Variants in SIPA1L1 observed in about 807,000 individuals in gnomAD.
SIPA1L1 encodes signal induced proliferation associated 1 like 1.
Under a neutral mutation model 162.7 loss-of-function variants are expected in SIPA1L1, and 26 were observed. That is an observed-to-expected ratio of 0.16 (90% confidence interval 0.12 to 0.22). The LOEUF (loss-of-function observed/expected upper bound fraction) is 0.22, where lower values mean the gene tolerates loss of function less well. Ranked by LOEUF, SIPA1L1 falls within the 10% of genes least tolerant of loss-of-function variation. The pLI, the probability that SIPA1L1 is intolerant of heterozygous loss-of-function variation, is 1.00. For missense variants in SIPA1L1, 1,874 were observed against 2,241.0 expected (o/e 0.84, Z 3.31); for synonymous variants, 829 against 837.4 (o/e 0.99, Z 0.17).
At chr14:71,470,861 G>A (rs1047668252) in intron 2 of SIPA1L1, among the ~76,000 whole-genome samples, 1 of 151,626 alleles carries the variant, frequency 6.6e-6, no homozygotes, top group Non-Finnish European at 1.5e-5. Context: ...TTTTTAAGAT[G>A]GAATCTTGCT....
chr14:71,577,726 A>G (rs1175832658), intron 4 of SIPA1L1, among the ~76,000 whole-genome samples: 3 of 126,064 alleles, frequency 2.4e-5, no homozygotes, highest in Non-Finnish European at 4.8e-5. Flanking sequence ...CTTGTTGGGC[A>G]TGCCTTTTTT....
intron 4 of SIPA1L1, among the ~76,000 whole-genome samples, chr14:71,547,579 C>T (rs921385545): frequency 1.3e-5 from 2 of 152,074 alleles, no homozygotes; most frequent in African/African-American, 4.8e-5. Context: ...CAGGCATGAG[C>T]CACTGTGCCT....
At chr14:71,477,608 A>G (rs1312748160) in intron 2 of SIPA1L1, among the ~76,000 whole-genome samples, 1 of 152,192 alleles carries the variant, frequency 6.6e-6, no homozygotes. Context: ...GACCTAGATC[A>G]TGTTTTGAAG....
intron 2 of SIPA1L1, among the ~76,000 whole-genome samples, chr14:71,358,514 A>G (rs1354969983): frequency 6.6e-6 from 1 of 152,154 alleles, no homozygotes. Context: ...CTTTGCTCAG[A>G]CACTGCCTTT....
intron 2 of SIPA1L1, among the ~76,000 whole-genome samples, chr14:71,476,711 T>C (rs190937195): frequency 3.6e-4 from 54 of 151,922 alleles, no homozygotes; most frequent in Middle Eastern, 3.4e-3. Context: ...GGAGTCTAGA[T>C]CTGTTGCCCA....
At chr14:71,456,361 C>G (rs940898619) in intron 2 of SIPA1L1, among the ~76,000 whole-genome samples, 1 of 152,172 alleles carries the variant, frequency 6.6e-6, no homozygotes, top group African/African-American at 2.4e-5. Flanking sequence ...CTTATTGATA[C>G]AAGTATTCAA....
At chr14:71,424,721 C>T (rs928593664) in intron 2 of SIPA1L1, among the ~76,000 whole-genome samples, 2 of 151,984 alleles carry the variant, frequency 1.3e-5, no homozygotes, top group Non-Finnish European at 2.9e-5. Flanking sequence ...AGATAATGGT[C>T]TCCAATTTTC....
intron 4 of SIPA1L1, among the ~76,000 whole-genome samples, chr14:71,529,596 G>A (rs1277349528): frequency 2.0e-5 from 3 of 152,200 alleles, no homozygotes; most frequent in Non-Finnish European, 4.4e-5. Context: ...GTATTGCTCA[G>A]GCTATTGCCT....
intron 16 of SIPA1L1, among the ~76,000 whole-genome samples, chr14:71,708,823 T>G (rs949928598): frequency 6.6e-6 from 1 of 152,240 alleles, no homozygotes; most frequent in Non-Finnish European, 1.5e-5. Context: ...TTCAGCCTTC[T>G]ATTTACTCTG....
chr14:71,637,096 A>ATT lies in SIPA1L1; in HGVS notation c.1818+12871_1818+12872dup, dbSNP rs56744567. Among the ~76,000 whole-genome samples, 1,306 of 142,606 alleles carry ATT rather than the reference A, an allele frequency of 9.2e-3. 13 individuals are homozygous for ATT. The highest frequency in any genetic ancestry group is 0.025 in the African/African-American group (942 of 38,074). 93.6% of individuals were successfully genotyped at this position (142,606 alleles called of 152,430 possible). A position where few individuals can be genotyped will look rare whatever the true frequency, so the allele number is the denominator to read the frequency against. On this transcript the variant is annotated intron_variant, in intron 7 of 23. Transcript: ENST00000381232. ...CTACATCTTTGGGGTTTAAAAAAAA[A>ATT]TTTTTTTTTTTTCATAAAACCCAGA...
intron 3 of SIPA1L1, among the ~76,000 whole-genome samples, chr14:71,527,550 T>C (rs2053006432): frequency 6.6e-6 from 1 of 152,112 alleles, no homozygotes; most frequent in Admixed American, 6.6e-5. Flanking sequence ...TCTGAATCTG[T>C]CCTTTGGTAG....
chr14:71,699,028 T>C lies in SIPA1L1; in HGVS notation c.3422T>C (p.Leu1141Ser). ...DIYVTVSSMA[L>S]ARSQCRNSPS... is the part of the protein sequence containing the mutation. Reference sequence around the variant, plus strand: ...TATGTGACGGTCTCATCCATGGCTTTAGCAAGATCCCAGTGTCGGAACTCT... The same window carrying C: ...TATGTGACGGTCTCATCCATGGCTTCAGCAAGATCCCAGTGTCGGAACTCT... The change falls in exon 14 of 24, where the codon TTA becomes TCA. Residue 1141 changes from leucine to serine, a missense_variant. Leu to Ser is a moderately radical substitution (Grantham distance 145, BLOSUM62 -2). This residue lies in a region of SIPA1L1 where 936 missense variants were observed against 1,051.9 expected (regional missense o/e 0.89). Coordinates refer to ENST00000381232, the MANE Select transcript of SIPA1L1 (RefSeq NM_001386936.1). The C allele has an allele frequency of 1.2e-6, 2 of 1,614,236 alleles. No homozygotes were observed. The highest frequency in any genetic ancestry group is 1.7e-6 in the Non-Finnish European group (2 of 1,180,026).
intron 17 of SIPA1L1, among the ~76,000 whole-genome samples, chr14:71,716,260 C>T (rs980394898): frequency 2.4e-4 from 36 of 152,168 alleles, no homozygotes; most frequent in African/African-American, 8.7e-4. Context: ...CCTCCTTAAT[C>T]ATTATCCTCC....
intron 17 of SIPA1L1, among the ~76,000 whole-genome samples, chr14:71,718,080 C>T (rs1223774428): frequency 6.6e-6 from 1 of 152,176 alleles, no homozygotes; most frequent in Non-Finnish European, 1.5e-5. Flanking sequence ...GAGCAGTAGG[C>T]CTCAGTTGGT....
At chr14:71,368,142 C>CTTTTTTTTTTTTTTTTTT (rs755238643) in intron 2 of SIPA1L1, among the ~76,000 whole-genome samples, 8 of 115,182 alleles carry the variant, frequency 6.9e-5, no homozygotes, top group Non-Finnish European at 9.2e-5. Flanking sequence ...TTGTGGTATT[C>CTTTTTTTTTTTTTTTTTT]TTTTTTTTTT....
At chr14:71,333,885 TG>T (rs574505024) in intron 2 of SIPA1L1, among the ~76,000 whole-genome samples, 209 of 152,192 alleles carry the variant, frequency 1.4e-3, no homozygotes, top group Non-Finnish European at 2.5e-3. Flanking sequence ...ATAGCAGCTG[TG>T]GAGGTGATGA....
intron 7 of SIPA1L1, among the ~76,000 whole-genome samples, chr14:71,632,003 T>C (rs911632956): frequency 1.3e-5 from 2 of 152,264 alleles, no homozygotes; most frequent in Non-Finnish European, 2.9e-5. Flanking sequence ...CTTTCAGTAA[T>C]GGCAAAGTTG....
rs375163638 is a variant in SIPA1L1 at position 71,381,213 on chromosome 14, C to T, written c.-465+60032C>T. On this transcript the variant is annotated intron_variant, in intron 2 of 23. Coordinates refer to ENST00000381232, the MANE Select transcript of SIPA1L1 (RefSeq NM_001386936.1). ...GATTACAGGTGCCCACCACGGTGCC[C>T]GGCTAATTTTTTGTATTTTCAGTAG... Among the ~76,000 whole-genome samples the T allele has an allele frequency of 1.3e-3, 201 of 152,120 alleles. 1 individual carries two copies. Among genetic ancestry groups the T allele is most frequent in the African/African-American group, 4.6e-3 (191 of 41,486 alleles).
intron 2 of SIPA1L1, among the ~76,000 whole-genome samples, chr14:71,454,369 G>T (rs755465545): frequency 1.3e-5 from 2 of 152,134 alleles, no homozygotes; most frequent in Non-Finnish European, 2.9e-5. Context: ...TATCCTGGGC[G>T]CCAGTAATAT....
Sources: allele counts gnomAD v4.1 joint callset (sites outside exome capture counted in the v4.1 genomes callset), GRCh38; gene constraint gnomAD v4.1.1; regional missense constraint gnomAD v4.1.1; transcripts MANE v1.5; gene names NCBI Gene and HGNC (gene_info 2026-07-23, HGNC 2026-07-21).